The following PNPLA6 variants were observed in gnomAD, a reference collection of about 807,000 sequenced individuals.
PNPLA6 encodes the protein patatin like domain 6, lysophospholipase.
Under a neutral mutation model 153.7 loss-of-function variants are expected in PNPLA6, and 105 were observed. That is an observed-to-expected ratio of 0.68 (90% confidence interval 0.58 to 0.80). PNPLA6 has a LOEUF of 0.80. PNPLA6 is among the 30% of genes least tolerant of loss of function. The probability of loss-of-function intolerance (pLI) is 0.00; values close to 1 mark genes in which losing one functional copy is unlikely to be tolerated. For missense variants in PNPLA6, 1,423 were observed against 1,919.3 expected (o/e 0.74, Z 4.83); for synonymous variants, 825 against 822.2 (o/e 1.00, Z -0.06).
chr19:7,540,923 G>A lies in PNPLA6; in HGVS notation c.796G>A (p.Gly266Ser). The A allele has an allele frequency of 6.2e-7, 1 of 1,613,032 alleles. No individual in the cohort carries two copies. ...CTCTTCACGCCCTCCCCTCCCCCAG[G>A]GTCACCAGCATCCCCAGCGGACCGT... ...SLLSILDVIT[G>S]HQHPQRTVSA... The change falls in exon 7 of 32, where the codon GGT becomes AGT. Residue 266 changes from glycine (G) to serine (S), a missense_variant and splice_region_variant. Gly to Ser is a moderately conservative substitution (Grantham distance 56). This residue lies in a region of PNPLA6 where 118 missense variants were observed against 158.8 expected (regional missense o/e 0.74). Transcript: ENST00000600737. The surrounding 1 kb of genome is among the most constrained non-coding windows in gnomAD (Gnocchi z 6.8).
Position 7,544,540 on chromosome 19 carries a change from G to A in PNPLA6, c.1608+1456G>A, listed in dbSNP as rs182896188. On this transcript the variant is annotated intron_variant, in intron 13 of 31. Transcript: ENST00000600737. ...CATACAGTCCATTATCCACAGTGTG[G>A]GGTTTGCAAGAGTGACAAGTGGTCA... Among the ~76,000 whole-genome samples the A allele has an allele frequency of 7.2e-5, 11 of 152,308 alleles. No individual in the cohort carries two copies. In the East Asian group the frequency reaches 7.7e-4, roughly 11 times the overall value.
chr19:7,534,167 G>A, upstream of PNPLA6: 1 of 387,778 alleles, frequency 2.6e-6, no homozygotes, highest in South Asian at 2.4e-5. Context: ...ATAATTTAAA[G>A]GGGCCGTGCC....
Position 7,541,068 on chromosome 19 carries a change from C to T in PNPLA6, c.924+17C>T. The stretch of plus-strand genomic sequence containing the variant: ...GTCGTGCAGGTCAGTGGGCCTTCGC[C>T]TCCTGTCACCCCCTGAGGGACCCCA... On this transcript the variant is annotated intron_variant, in intron 7 of 31. Coordinates refer to ENST00000600737, the MANE Select transcript of PNPLA6 (RefSeq NM_001166114.2). This position sits in a 1 kb window ranked among gnomAD's most constrained non-coding sequence, Gnocchi z 5.2. The T allele has an allele frequency of 1.9e-6, 3 of 1,605,880 alleles. No individual in the cohort carries two copies. Among genetic ancestry groups the T allele is most frequent in the Non-Finnish European group, 2.5e-6 (3 of 1,177,446 alleles).
intron 18 of PNPLA6, among the ~76,000 whole-genome samples, chr19:7,553,283 G>A (rs951954557): frequency 2.6e-5 from 4 of 152,080 alleles, no homozygotes; most frequent in Admixed American, 6.6e-5. Flanking sequence ...ACAGGGTCTC[G>A]CTCTGTAGCC....
At chr19:7,535,515 G>A, upstream of PNPLA6, 1 of 1,585,716 alleles carries the variant, frequency 6.3e-7, no homozygotes, top group Non-Finnish European at 8.6e-7. The surrounding 1 kb of genome is among the most constrained non-coding windows in gnomAD (Gnocchi z 5.0). Context: ...CCAGGACTCC[G>A]GGCTACCAGA....
chr19:7,559,563 G>T (rs2024019215), intron 28 of PNPLA6, among the ~76,000 whole-genome samples: 1 of 152,214 alleles, frequency 6.6e-6, no homozygotes, highest in Non-Finnish European at 1.5e-5. Context: ...AGGGGGCCAG[G>T]CATGGTGGCT....
chr19:7,544,233 T>C (rs1224675298), intron 13 of PNPLA6, among the ~76,000 whole-genome samples: 1 of 152,096 alleles, frequency 6.6e-6, no homozygotes, highest in Non-Finnish European at 1.5e-5. Context: ...TGCCTCAGCC[T>C]CCCGAGTAGC....
intron 27 of PNPLA6, among the ~76,000 whole-genome samples, chr19:7,558,113 G>A (rs537409336): frequency 2.0e-5 from 3 of 152,352 alleles, no homozygotes; most frequent in East Asian, 3.9e-4. Context: ...GTGCACACAC[G>A]TAGATAGGAT....
chr19:7,559,484 A>G (rs992191580), intron 28 of PNPLA6, among the ~76,000 whole-genome samples: 7 of 152,198 alleles, frequency 4.6e-5, no homozygotes, highest in African/African-American at 1.7e-4. Context: ...AGAGGGAGGT[A>G]GCAGTGCGTG....
chr19:7,553,086 A>G (rs1173974963), intron 18 of PNPLA6, among the ~76,000 whole-genome samples: 1 of 152,068 alleles, frequency 6.6e-6, no homozygotes, highest in Non-Finnish European at 1.5e-5. Flanking sequence ...ACTTGAGCTT[A>G]TTTAGATTGT....
In PNPLA6 at chr19:7,555,218, T is replaced by C; in HGVS notation, c.2818-31T>C. 1.3e-6 allele frequency: 2 copies of C among 1,566,298 alleles called. No individual in the cohort carries two copies. The highest frequency in any genetic ancestry group is 1.7e-6 in the Non-Finnish European group (2 of 1,149,120). ...GATCCGCCGGACCCCGCCCTCATGC[T>C]CCTGGGTCGCGACTATCTCCCCCAT... On this transcript the variant is annotated intron_variant, in intron 22 of 31. Coordinates refer to ENST00000600737, the MANE Select transcript of PNPLA6 (RefSeq NM_001166114.2). This position sits in a 1 kb window ranked among gnomAD's most constrained non-coding sequence, Gnocchi z 6.3.
Position 7,540,311 on chromosome 19 carries a change from G to A in PNPLA6, c.714+3G>A. 2.5e-6 allele frequency: 4 copies of A among 1,602,970 alleles called. No individual in the cohort carries two copies. The highest frequency in any genetic ancestry group is 3.4e-6 in the Non-Finnish European group (4 of 1,177,112). On this transcript the variant is annotated splice_donor_region_variant and intron_variant, in intron 5 of 31. Coordinates refer to ENST00000600737, the MANE Select transcript of PNPLA6 (RefSeq NM_001166114.2). This position sits in a 1 kb window ranked among gnomAD's most constrained non-coding sequence, Gnocchi z 6.8. ...TGGAGCTCTGTCTGCCAGGGCCTGT[G>A]AGTGGGCCTCCCCAGGGGCTGCTGC... is the stretch of plus-strand genomic sequence containing the variant.
chr19:7,544,944 C>T (rs940278562), intron 13 of PNPLA6, among the ~76,000 whole-genome samples: 18 of 152,208 alleles, frequency 1.2e-4, no homozygotes, highest in Non-Finnish European at 1.8e-4. Flanking sequence ...CAGTGTACCA[C>T]GCTGGTCTGC....
intron 1 of PNPLA6, 55 bp from the exon 2 acceptor site, chr19:7,536,136 G>A: frequency 6.5e-7 from 1 of 1,527,352 alleles, no homozygotes; most frequent in Non-Finnish European, 9.1e-7. Context: ...CCCCAGCTCT[G>A]GCAGGGTGGA....
intron 24 of PNPLA6, 75 bp from the exon 25 acceptor site, chr19:7,556,378 T>C: frequency 1.1e-6 from 1 of 914,542 alleles, no homozygotes; most frequent in Non-Finnish European, 1.8e-6. Flanking sequence ...TGCTGCTTGC[T>C]CACCCCCTAT....
chr19:7,541,518 C>A lies in PNPLA6; in HGVS notation c.1006-4C>A. The A allele has an allele frequency of 6.2e-7, 1 of 1,609,714 alleles. No individual in the cohort carries two copies. The highest frequency in any genetic ancestry group is 2.2e-5 in the East Asian group (1 of 44,584). On this transcript the variant is annotated splice_region_variant and splice_polypyrimidine_tract_variant and intron_variant, in intron 8 of 31. Transcript: ENST00000600737. This position sits in a 1 kb window ranked among gnomAD's most constrained non-coding sequence, Gnocchi z 5.2. ...ACAGGCCACAAGCTGTTCTCTGCCC[C>A]CAGGAGATCCAGCCCCTGCGTCTGT...
upstream of PNPLA6, chr19:7,535,716 T>A (rs1306730347): frequency 6.6e-7 from 1 of 1,521,212 alleles, no homozygotes; most frequent in Admixed American, 2.0e-5. The surrounding 1 kb of genome is among the most constrained non-coding windows in gnomAD (Gnocchi z 5.0). Flanking sequence ...TTTCCCGGCA[T>A]GCACTGCGGG....
At position 7,561,669 on chromosome 19, in the gene PNPLA6, CG is replaced by C. The variant is rs1048891252; in HGVS notation, c.*109del. Reference sequence around the variant, plus strand: ...CCTGCTGCTATGCCTGTGACCCCCGCGGCCCACACACTGGACTGACCTGCCC... The same window carrying C: ...CCTGCTGCTATGCCTGTGACCCCCGCGCCCACACACTGGACTGACCTGCCC... On this transcript the variant is annotated 3_prime_UTR_variant, in exon 32 of 32. Coordinates refer to ENST00000600737, the MANE Select transcript of PNPLA6 (RefSeq NM_001166114.2). 1 of 796,224 alleles carries C rather than the reference CG, an allele frequency of 1.3e-6. No individual in the cohort carries two copies. The highest frequency in any genetic ancestry group is 1.7e-5 in the African/African-American group (1 of 59,038). 49.3% of individuals were successfully genotyped at this position (796,224 alleles called of 1,614,324 possible).
Position 7,561,309 on chromosome 19 carries a change from T to G in PNPLA6, c.4015T>G (p.Ser1339Ala). ...CGAGGGCGCAAGCCCCAGCACTGCC[T>G]CCGAGATGGTGAGAGTGGGTGGCCC... ...SPEGASPSTA[S>A]EMEEEKSILR... is the part of the protein sequence containing the mutation. Residue 1339 changes from serine (S) to alanine (A), a missense_variant, in exon 31 of 32, where the codon TCC becomes GCC. Ser to Ala is a moderately conservative substitution (Grantham distance 99). Coordinates refer to ENST00000600737, the MANE Select transcript of PNPLA6 (RefSeq NM_001166114.2). The G allele has an allele frequency of 1.2e-6, 2 of 1,602,052 alleles. No individual in the cohort carries two copies. The highest frequency in any genetic ancestry group is 1.7e-6 in the Non-Finnish European group (2 of 1,174,606).
Sources: allele counts gnomAD v4.1 joint callset (sites outside exome capture counted in the v4.1 genomes callset), GRCh38; gene constraint gnomAD v4.1.1; regional missense constraint gnomAD v4.1.1; non-coding constraint Gnocchi (gnomAD v3.1); transcripts MANE v1.5; gene names NCBI Gene and HGNC (gene_info 2026-07-23, HGNC 2026-07-21).